The following ENPP7 variants were observed in gnomAD, a reference collection of about 807,000 sequenced individuals.
ENPP7 encodes ectonucleotide pyrophosphatase/phosphodiesterase 7.
ENPP7 carries 39 observed loss-of-function variants against 33.6 expected under a neutral mutation model. The observed-to-expected ratio is 1.16, with a 90% CI of 0.90 to 1.52. ENPP7 has a LOEUF of 1.52. ENPP7 is among the 40% of genes most tolerant of loss of function. ENPP7 has a pLI of 0.00. For synonymous variants in ENPP7, 244 were observed against 274.3 expected (o/e 0.89, Z 1.09); for missense variants, 594 against 641.0 (o/e 0.93, Z 0.79).
rs1481815959 is a variant in ENPP7, at chr17:79,742,010, C to T, written c.*233C>T. On this transcript the variant is annotated 3_prime_UTR_variant, in exon 6 of 6. Coordinates refer to ENST00000328313, the MANE Select transcript of ENPP7 (RefSeq NM_178543.5). ...CGGCGAGCCGGTCCCATAACCGGCC[C>T]CCTGCCCCTGCCCCTGCTCCTGCTC... 4.8e-6 allele frequency: 4 copies of T among 829,320 alleles called. No homozygotes were observed. Among genetic ancestry groups the T allele is most frequent in the Non-Finnish European group, 5.8e-6 (4 of 686,040 alleles). 51.4% of individuals were successfully genotyped at this position (829,320 alleles called of 1,614,324 possible). A position where few individuals can be genotyped will look rare whatever the true frequency, so the allele number is the denominator to read the frequency against.
Position 79,737,935 on chromosome 17 carries a change from T to C in ENPP7, c.1266T>C (p.Asp422=). ...MLHTESALPP[D]GRPTLLPKGR... ...CCTTAGAATCTGCTCTTCCGCCTGA[T>C]GGAAGGCCTACTCTCCTGCCCAAGG... Residue 422 remains aspartate, a synonymous_variant, in exon 5 of 6, where the codon GAT becomes GAC. Transcript: ENST00000328313. The surrounding 1 kb of genome is among the most constrained non-coding windows in gnomAD (Gnocchi z 5.5). The C allele has an allele frequency of 6.2e-7, 1 of 1,613,876 alleles. No individual in the cohort carries two copies. Among genetic ancestry groups the C allele is most frequent in the Non-Finnish European group, 8.5e-7 (1 of 1,180,014 alleles).
At position 79,737,430 on chromosome 17, in the gene ENPP7, C is replaced by T. The variant is rs929078327; in HGVS notation, c.1246+170C>T. Among the ~76,000 whole-genome samples the T allele has an allele frequency of 4.6e-5, 7 of 152,236 alleles. No homozygotes were observed. The highest frequency in any genetic ancestry group is 4.1e-4 in the South Asian group (2 of 4,836). On this transcript the variant is annotated intron_variant, in intron 4 of 5. Coordinates refer to ENST00000328313, the MANE Select transcript of ENPP7 (RefSeq NM_178543.5). The surrounding 1 kb of genome is among the most constrained non-coding windows in gnomAD (Gnocchi z 5.5). ...CATTCCCACAACACGTGACCTCTCA[C>T]GAGCACCTCATGCATCTCGGGCGGC...
At position 79,735,240 on chromosome 17, in the gene ENPP7, C is replaced by T. The variant is rs147018913; in HGVS notation, c.597C>T (p.Asp199=). The change falls in exon 3 of 6, where the codon GAC becomes GAT. Residue 199 remains aspartate (D), a synonymous_variant. Coordinates refer to ENST00000328313, the MANE Select transcript of ENPP7 (RefSeq NM_178543.5). This position sits in a 1 kb window ranked among gnomAD's most constrained non-coding sequence, Gnocchi z 5.5. ...DLVTLYFGEP[D]STGHRYGPES... ...TCACACTCTACTTCGGGGAGCCGGACTCCACGGGCCACAGGTACGGCCCCG... is the reference window on the plus strand; with the variant it reads ...TCACACTCTACTTCGGGGAGCCGGATTCCACGGGCCACAGGTACGGCCCCG... The T allele has an allele frequency of 3.8e-4, 613 of 1,613,460 alleles. 3 individuals carry two copies. The African/African-American group carries it at 7.2e-3, about 19-fold the overall frequency.
chr17:79,741,197 C>T (rs547598972), intron 5 of ENPP7, among the ~76,000 whole-genome samples: 1 of 152,308 alleles, frequency 6.6e-6, no homozygotes, highest in East Asian at 1.9e-4. Context: ...CTATGTTGCC[C>T]AGGCTGGTCT....
At position 79,741,460 on chromosome 17, in the gene ENPP7, C is replaced by T. The variant is rs369451343; in HGVS notation, c.*17-334C>T. Among the ~76,000 whole-genome samples the T allele has an allele frequency of 2.2e-3, 335 of 152,358 alleles. 2 individuals are homozygous for T. Among genetic ancestry groups the T allele is most frequent in the African/African-American group, 7.6e-3 (317 of 41,592 alleles). On this transcript the variant is annotated intron_variant, in intron 5 of 5. Coordinates refer to ENST00000328313, the MANE Select transcript of ENPP7 (RefSeq NM_178543.5). ...GCTCTTCTGCCTCCTGGGATCCGCA[C>T]ACTGCCAGCCAGGCCTGGGACAGTG...
At chr17:79,736,536 CGTGTGTGTGTGT>C (rs58744239) in intron 3 of ENPP7, among the ~76,000 whole-genome samples, 1,642 of 146,094 alleles carry the variant, frequency 0.011, 36 homozygotes, top group African/African-American at 0.035. Context: ...GTGTGATAGG[CGTGTGTGTGTGT>C]GTGTGTGTGT....
At position 79,735,837 on chromosome 17, in the gene ENPP7, A is replaced by C. The variant is rs539666335; in HGVS notation, c.1026+168A>C. Among the ~76,000 whole-genome samples the C allele has an allele frequency of 6.6e-6, 1 of 151,488 alleles. No individual in the cohort carries two copies. The highest frequency in any genetic ancestry group is 2.1e-4 in the South Asian group (1 of 4,800). On this transcript the variant is annotated intron_variant, in intron 3 of 5. Transcript: ENST00000328313. This position sits in a 1 kb window ranked among gnomAD's most constrained non-coding sequence, Gnocchi z 5.5. ...ACTCCCAGACTCAAGCGATCCTTCCACCTCAGCCTCCTGAGTAGCTGAGAC... is the reference window on the plus strand; with the variant it reads ...ACTCCCAGACTCAAGCGATCCTTCCCCCTCAGCCTCCTGAGTAGCTGAGAC...
At chr17:79,734,623 G>A (rs1344907688) in intron 2 of ENPP7, among the ~76,000 whole-genome samples, 41 of 151,940 alleles carry the variant, frequency 2.7e-4, no homozygotes, top group Admixed American at 2.1e-3. Context: ...GACTACAGGC[G>A]CCCGCCACCA....
At chr17:79,732,881 T>C (rs2094288964) in intron 1 of ENPP7, among the ~76,000 whole-genome samples, 1 of 152,386 alleles carries the variant, frequency 6.6e-6, no homozygotes, top group East Asian at 1.9e-4. Flanking sequence ...CCAGCCTTTC[T>C]GCCCCTTCTA....
Position 79,739,336 on chromosome 17 carries a change from G to A in ENPP7, c.*16+1274G>A, listed in dbSNP as rs887393002. 2.6e-4 allele frequency: 39 copies of A among 152,522 alleles called. No individual in the cohort carries two copies. The highest frequency in any genetic ancestry group is 4.4e-5 in the Non-Finnish European group (3 of 68,150). The allele number at this position is 152,522 out of a possible 1,614,324, so 9.4% of individuals were successfully genotyped here. On this transcript the variant is annotated intron_variant, in intron 5 of 5. Coordinates refer to ENST00000328313, the MANE Select transcript of ENPP7 (RefSeq NM_178543.5). The surrounding 1 kb of genome is among the most constrained non-coding windows in gnomAD (Gnocchi z 4.4). ...GAGCCCCAAGCTGAGGTTACACAGG[G>A]TCTGAGGTTGATGATTAAATGAGTG... is the stretch of plus-strand genomic sequence containing the variant.
At chr17:79,732,387 C>T (rs971692863) in intron 1 of ENPP7, among the ~76,000 whole-genome samples, 5 of 152,024 alleles carry the variant, frequency 3.3e-5, no homozygotes, top group Admixed American at 6.6e-5. Flanking sequence ...CCCAAACCTG[C>T]GTCATCCTCC....
chr17:79,735,550 G>C lies in ENPP7; in HGVS notation c.907G>C (p.Ala303Pro). 6.2e-7 allele frequency: 1 copy of C among 1,613,804 alleles called. No individual in the cohort carries two copies. The highest frequency in any genetic ancestry group is 1.1e-5 in the South Asian group (1 of 91,074). Residue 303 changes from alanine to proline, a missense_variant, in exon 3 of 6, where the codon GCC becomes CCC. Transcript: ENST00000328313. This position sits in a 1 kb window ranked among gnomAD's most constrained non-coding sequence, Gnocchi z 5.5. ...LEKVYDALKDAHPKLHVYKKE... is the reference protein window; with the variant it reads ...LEKVYDALKDPHPKLHVYKKE... ...GAAGGTGTACGATGCCCTCAAGGAC[G>C]CCCACCCCAAGCTCCACGTCTACAA...
At chr17:79,740,065 C>T (rs1050017204) in intron 5 of ENPP7, among the ~76,000 whole-genome samples, 5 of 151,942 alleles carry the variant, frequency 3.3e-5, no homozygotes, top group Non-Finnish European at 5.9e-5. Context: ...CATGGTGGTG[C>T]GTGCCTGTAA....
chr17:79,731,537 T>A, intron 1 of ENPP7, 145 bp downstream of exon 1: 1 of 1,111,254 alleles, frequency 9.0e-7, no homozygotes, highest in African/African-American at 1.6e-5. Context: ...ATCCTCACCG[T>A]TGGTAGCAAC....
chr17:79,733,778 C>A (rs2094290440), intron 2 of ENPP7, 125 bp downstream of exon 2: 2 of 1,027,994 alleles, frequency 1.9e-6, no homozygotes, highest in African/African-American at 3.2e-5. Context: ...GGGCTCCTGG[C>A]CTACCCTGGC....
At chr17:79,732,149 T>TATATATATATATGTATATATATATACAC (rs1171801654) in intron 1 of ENPP7, among the ~76,000 whole-genome samples, 2 of 34,132 alleles carry the variant, frequency 5.9e-5, no homozygotes, top group African/African-American at 2.0e-4. Flanking sequence ...TATATATATA[T>TATATATATATATGTATATATATATACAC]ACACACACAT....
Position 79,739,338 on chromosome 17 carries a change from C to T in ENPP7, c.*16+1276C>T, listed in dbSNP as rs1555824208. 1 of 152,330 alleles carries T rather than the reference C, an allele frequency of 6.6e-6. No homozygotes were observed. The highest frequency in any genetic ancestry group is 1.9e-4 in the East Asian group (1 of 5,194). The allele number at this position is 152,330 out of a possible 1,614,324, so 9.4% of individuals were successfully genotyped here. ...GCCCCAAGCTGAGGTTACACAGGGT[C>T]TGAGGTTGATGATTAAATGAGTGGC... On this transcript the variant is annotated intron_variant, in intron 5 of 5. Coordinates refer to ENST00000328313, the MANE Select transcript of ENPP7 (RefSeq NM_178543.5). The surrounding 1 kb of genome is among the most constrained non-coding windows in gnomAD (Gnocchi z 4.4).
chr17:79,738,202 GC>G lies in ENPP7; in HGVS notation c.*16+144del. ...GCAGGTGACTCCCACTGACCTGGCT[GC>G]CCCAGAGAGGCCATCACCCCTGAGA... On this transcript the variant is annotated intron_variant, in intron 5 of 5. Transcript: ENST00000328313. This position sits in a 1 kb window ranked among gnomAD's most constrained non-coding sequence, Gnocchi z 6.2. The G allele has an allele frequency of 1.3e-6, 1 of 797,954 alleles. No individual in the cohort carries two copies. Among genetic ancestry groups the G allele is most frequent in the Non-Finnish European group, 2.0e-6 (1 of 505,328 alleles). 49.4% of individuals were successfully genotyped at this position (797,954 alleles called of 1,614,324 possible).
At chr17:79,732,104 A>G (rs1309992625) in intron 1 of ENPP7, among the ~76,000 whole-genome samples, 9 of 103,234 alleles carry the variant, frequency 8.7e-5, no homozygotes, top group Non-Finnish European at 1.8e-4. Flanking sequence ...TATAATATAT[A>G]TATACATATA....
Sources: allele counts gnomAD v4.1 joint callset (sites outside exome capture counted in the v4.1 genomes callset), GRCh38; gene constraint gnomAD v4.1.1; non-coding constraint Gnocchi (gnomAD v3.1); transcripts MANE v1.5; gene names NCBI Gene and HGNC (gene_info 2026-07-23, HGNC 2026-07-21).